The following WASHC2A variants were observed in gnomAD, a reference collection of about 807,000 sequenced individuals.
The protein encoded by WASHC2A is WASH complex subunit FAM21A.
A neutral mutation model predicts 140.3 loss-of-function variants in WASHC2A; 82 were observed. That is an observed-to-expected ratio of 0.58 (90% CI 0.49 to 0.70). WASHC2A has a LOEUF of 0.70. WASHC2A is among the 30% of genes least tolerant of loss of function. The pLI, the probability that WASHC2A is intolerant of heterozygous loss-of-function variation, is 0.00. For missense variants in WASHC2A, 985 were observed against 1,521.8 expected (o/e 0.65, Z 5.87); for synonymous variants, 340 against 560.8 (o/e 0.61, Z 5.56).
chr10:50,102,016 T>G (rs369546262), intron 17 of WASHC2A, among the ~76,000 whole-genome samples: 149 of 149,288 alleles, frequency 1.0e-3, no homozygotes, highest in Admixed American at 3.2e-3. Context: ...GTCAACGGTG[T>G]TCCTTTTGCT....
At chr10:50,102,922 A>C (rs1423001940) in intron 17 of WASHC2A, among the ~76,000 whole-genome samples, 1 of 151,652 alleles carries the variant, frequency 6.6e-6, no homozygotes, top group Non-Finnish European at 1.5e-5. Context: ...GCTGGAGTGC[A>C]ATGGTGGGAT....
Position 50,110,256 on chromosome 10 carries a change from C to T in WASHC2A, c.2025C>T (p.Ala675=). ...AAGACGAAGAAGATGATCTTTTTGC[C>T]ATTGCCAAGGACAGGTGAGATAGTC... ...FEEDEEDDLF[A]IAKDSQKKTQ... Residue 675 remains alanine (A), a synonymous_variant, in exon 20 of 31, where the codon GCC becomes GCT. Transcript: ENST00000282633. 2 of 1,611,720 alleles carry T rather than the reference C, an allele frequency of 1.2e-6. No homozygotes were observed. Among genetic ancestry groups the T allele is most frequent in the Admixed American group, 1.7e-5 (1 of 59,974 alleles).
chr10:50,101,289 C>G (rs1841135777), intron 17 of WASHC2A, among the ~76,000 whole-genome samples: 1 of 152,310 alleles, frequency 6.6e-6, no homozygotes, highest in African/African-American at 2.4e-5. Flanking sequence ...GGTCTTTGCA[C>G]CGGCCCCTGC....
At chr10:50,087,232 A>T in intron 7 of WASHC2A, 43 bp from the exon 8 acceptor site, 1 of 1,613,712 alleles carries the variant, frequency 6.2e-7, no homozygotes, top group Middle Eastern at 1.7e-4. Context: ...TGTGCTTCTA[A>T]GTAAAGCCCA....
intron 23 of WASHC2A, among the ~76,000 whole-genome samples, chr10:50,124,138 T>G (rs1425702122): frequency 6.6e-6 from 1 of 152,180 alleles, no homozygotes; most frequent in African/African-American, 2.4e-5. Flanking sequence ...GGAGTCCTAC[T>G]GTGTTGCCCA....
intron 16 of WASHC2A, among the ~76,000 whole-genome samples, chr10:50,098,692 C>G (rs1840743782): frequency 7.8e-6 from 1 of 127,686 alleles, no homozygotes. Context: ...TGTCATGTCT[C>G]TTTGGTCTCC....
At chr10:50,099,025 G>A (rs1470486161) in intron 16 of WASHC2A, among the ~76,000 whole-genome samples, 1 of 152,038 alleles carries the variant, frequency 6.6e-6, no homozygotes, top group Admixed American at 6.6e-5. Context: ...AACACAGTGT[G>A]AATACCTGTT....
Position 50,068,115 on chromosome 10 carries a change from C to G in WASHC2A, c.14C>G (p.Thr5Arg). MMNR[T>R]TPDQELAPAS... ...TTTTTTTCGCTGCAGATGAACCGGACGACCCCCGACCAGGAGCTGGCGCCA... is the reference window on the plus strand; with the variant it reads ...TTTTTTTCGCTGCAGATGAACCGGAGGACCCCCGACCAGGAGCTGGCGCCA... The change falls in exon 2 of 31, where the codon ACG (threonine) becomes AGG (arginine). Residue 5 changes from threonine (T) to arginine (R), a missense_variant. Thr to Arg is a moderately conservative substitution (Grantham distance 71, BLOSUM62 -1). Coordinates refer to ENST00000282633, the MANE Select transcript of WASHC2A (RefSeq NM_001005751.3). The G allele has an allele frequency of 6.2e-7, 1 of 1,606,626 alleles. No homozygotes were observed. The highest frequency in any genetic ancestry group is 8.5e-7 in the Non-Finnish European group (1 of 1,177,384).
chr10:50,095,217 C>G lies in WASHC2A; in HGVS notation c.1240+10C>G, dbSNP rs1175362705. ...GTTTCTGTATTTTTAGGTAACATAACTTAGGTTTGTTTTCTAAAAACTACA... is the reference window on the plus strand; with the variant it reads ...GTTTCTGTATTTTTAGGTAACATAAGTTAGGTTTGTTTTCTAAAAACTACA... On this transcript the variant is annotated intron_variant, in intron 14 of 30. Coordinates refer to ENST00000282633, the MANE Select transcript of WASHC2A (RefSeq NM_001005751.3). 7 of 1,558,018 alleles carry G rather than the reference C, an allele frequency of 4.5e-6. No homozygotes were observed. Among genetic ancestry groups the G allele is most frequent in the Non-Finnish European group, 6.1e-6 (7 of 1,147,498 alleles).
intron 23 of WASHC2A, among the ~76,000 whole-genome samples, chr10:50,124,789 C>G (rs1843284452): frequency 6.7e-6 from 1 of 150,022 alleles, no homozygotes; most frequent in South Asian, 2.1e-4. Context: ...TAATGGATTG[C>G]TTTTCTAATA....
chr10:50,076,446 T>C (rs1554877857), intron 3 of WASHC2A, among the ~76,000 whole-genome samples: 1 of 152,224 alleles, frequency 6.6e-6, no homozygotes, highest in African/African-American at 2.4e-5. Flanking sequence ...AGTAGAATTT[T>C]GGGTCAGAGG....
Position 50,129,407 on chromosome 10 carries a change from T to A in WASHC2A, c.3088-12T>A. 1 of 1,612,084 alleles carries A rather than the reference T, an allele frequency of 6.2e-7. No individual in the cohort carries two copies. The highest frequency in any genetic ancestry group is 8.5e-7 in the Non-Finnish European group (1 of 1,179,872). On this transcript the variant is annotated splice_polypyrimidine_tract_variant and intron_variant, in intron 28 of 30. Transcript: ENST00000282633. ...TATCGTCAGATCAATGTGTGTTTTT[T>A]TGCCATTGCAGAGCCGTGTCAAGAT... is the stretch of plus-strand genomic sequence containing the variant.
At chr10:50,120,134 A>G (rs1169883873) in intron 23 of WASHC2A, among the ~76,000 whole-genome samples, 1 of 144,672 alleles carries the variant, frequency 6.9e-6, no homozygotes, top group Non-Finnish European at 1.5e-5. Context: ...AGTGTTGTAG[A>G]TGAACCTTTC....
chr10:50,069,696 C>A lies in WASHC2A; in HGVS notation c.276C>A (p.Thr92=). Residue 92 remains threonine, a synonymous_variant, in exon 3 of 31, where the codon ACC becomes ACA. Coordinates refer to ENST00000282633, the MANE Select transcript of WASHC2A (RefSeq NM_001005751.3). ...ATGACTTCCTTATGCTCTCTAATACCCAGTTCATTGAGAATGTGAGTTATT... is the reference window on the plus strand; with the variant it reads ...ATGACTTCCTTATGCTCTCTAATACACAGTTCATTGAGAATGTGAGTTATT... ...VFNDFLMLSN[T]QFIENRVYDE... The A allele has an allele frequency of 6.2e-7, 1 of 1,612,814 alleles. No homozygotes were observed. Among genetic ancestry groups the A allele is most frequent in the East Asian group, 2.2e-5 (1 of 44,872 alleles).
At position 50,133,143 on chromosome 10, in the gene WASHC2A, A is replaced by C. The variant is rs1844130769; in HGVS notation, c.*198A>C. ...TACAAAACAAAAATAAATATTTCACAGTGGTTGGTTTGTTTTGTTTTTAAA... is the reference window on the plus strand; with the variant it reads ...TACAAAACAAAAATAAATATTTCACCGTGGTTGGTTTGTTTTGTTTTTAAA... On this transcript the variant is annotated 3_prime_UTR_variant, in exon 31 of 31. Coordinates refer to ENST00000282633, the MANE Select transcript of WASHC2A (RefSeq NM_001005751.3). 9 of 763,308 alleles carry C rather than the reference A, an allele frequency of 1.2e-5. No individual in the cohort carries two copies. Among genetic ancestry groups the C allele is most frequent in the Non-Finnish European group, 1.9e-5 (9 of 472,040 alleles). The allele number at this position is 763,308 out of a possible 1,614,324, so 47.3% of individuals were successfully genotyped here.
rs763439615 is a variant in WASHC2A, at chr10:50,132,824, G to A, written c.3905G>A (p.Gly1302Asp). 3 of 1,611,900 alleles carry A rather than the reference G, an allele frequency of 1.9e-6. No homozygotes were observed. The South Asian group carries it at 3.3e-5, about 18-fold the overall frequency. ...DDDMDDIFSS[G>D]IQAKTTKPKS... ...TCTAAAGATGACATCTTCTCCTCTG[G>A]TATCCAGGCTAAGACAACCAAACCA... is the stretch of plus-strand genomic sequence containing the variant. Residue 1302 changes from glycine (G) to aspartate (D), a missense_variant, in exon 31 of 31, where the codon GGT becomes GAT. Coordinates refer to ENST00000282633, the MANE Select transcript of WASHC2A (RefSeq NM_001005751.3).
intron 23 of WASHC2A, among the ~76,000 whole-genome samples, chr10:50,123,948 T>A (rs1425415694): frequency 3.3e-5 from 5 of 152,160 alleles, no homozygotes; most frequent in African/African-American, 9.7e-5. Context: ...TCTCTTACTG[T>A]GTATGGTTTT....
Position 50,120,662 on chromosome 10 carries a change from G to A in WASHC2A, c.2478+893G>A, listed in dbSNP as rs1301852165. 4.1e-5 allele frequency among the ~76,000 whole-genome samples: 6 copies of A among 145,276 alleles called. 1 individual carries two copies. Among genetic ancestry groups the A allele is most frequent in the African/African-American group, 1.4e-4 (5 of 36,404 alleles). On this transcript the variant is annotated intron_variant, in intron 23 of 30. Transcript: ENST00000282633. The stretch of plus-strand genomic sequence containing the variant: ...AAATAGATGATGGTCATTCTGTGAG[G>A]TTAGTATGACCCTGATATTAAAACT...
chr10:50,074,466 T>C (rs1838117731), intron 3 of WASHC2A, among the ~76,000 whole-genome samples: 1 of 151,348 alleles, frequency 6.6e-6, no homozygotes, highest in African/African-American at 2.4e-5. Flanking sequence ...AGTCCTGACT[T>C]TGAAAATTAC....
Sources: gnomAD v4.1 joint callset for allele counts (sites outside exome capture counted in the v4.1 genomes callset) on GRCh38, gnomAD v4.1.1 for gene constraint, MANE v1.5 for transcripts, NCBI Gene and HGNC (gene_info 2026-07-23, HGNC 2026-07-21) for gene names.